Variants in PRKCE observed in about 807,000 individuals in gnomAD.
PRKCE encodes the protein protein kinase C epsilon type.
A neutral mutation model predicts 85.4 loss-of-function variants in PRKCE; 16 were observed. That is an observed-to-expected ratio of 0.19 (90% confidence interval 0.13 to 0.28). The LOEUF is 0.28. Ranked by LOEUF, PRKCE falls within the 10% of genes least tolerant of loss-of-function variation. The pLI, the probability that PRKCE is intolerant of heterozygous loss-of-function variation, is 1.00. For missense variants in PRKCE, 573 were observed against 975.2 expected (o/e 0.59, Z 5.49); for synonymous variants, 388 against 371.5 (o/e 1.04, Z -0.51).
At chr2:45,781,878 C>G (rs1686218496) in intron 1 of PRKCE, among the ~76,000 whole-genome samples, 1 of 152,174 alleles carries the variant, frequency 6.6e-6, no homozygotes, top group Admixed American at 6.5e-5. Flanking sequence ...AGAAGCCACC[C>G]TGGTCCAGGG....
chr2:45,984,529 C>T, intron 5 of PRKCE, 22 bp from the exon 6 acceptor site: 3 of 1,598,284 alleles, frequency 1.9e-6, no homozygotes, highest in South Asian at 1.1e-5. Context: ...GGTGGTGAAC[C>T]TGTATCTTGC....
intron 2 of PRKCE, among the ~76,000 whole-genome samples, chr2:45,848,919 A>T (rs1692015651): frequency 6.6e-6 from 1 of 152,210 alleles, no homozygotes; most frequent in South Asian, 2.1e-4. Context: ...AGGAAAGGAT[A>T]GGCAGGCTGG....
intron 2 of PRKCE, among the ~76,000 whole-genome samples, chr2:45,968,107 GC>G (rs1701853851): frequency 6.6e-6 from 1 of 152,150 alleles, no homozygotes; most frequent in Non-Finnish European, 1.5e-5. Context: ...CTTGTTCTTG[GC>G]TCCATATACT....
In PRKCE at chr2:45,651,950, A is replaced by G. The variant is rs1013176378; in HGVS notation, c.-151A>G. The G allele has an allele frequency of 2.1e-5, 13 of 606,872 alleles. No homozygotes were observed. Among genetic ancestry groups the G allele is most frequent in the Non-Finnish European group, 3.1e-5 (11 of 354,650 alleles). 37.6% of individuals were successfully genotyped at this position (606,872 alleles called of 1,614,324 possible). A position where few individuals can be genotyped will look rare whatever the true frequency, so the allele number is the denominator to read the frequency against. On this transcript the variant is annotated 5_prime_UTR_variant, in exon 1 of 15. Transcript: ENST00000306156. Reference sequence around the variant, plus strand: ...GCACTGGCTGAGAATCGCCCGCGCCAGGGCGCAACGCCACAAGGTGTAGGG... The same window carrying G: ...GCACTGGCTGAGAATCGCCCGCGCCGGGGCGCAACGCCACAAGGTGTAGGG...
intron 14 of PRKCE, among the ~76,000 whole-genome samples, chr2:46,182,329 G>C (rs527743328): frequency 3.9e-5 from 6 of 152,254 alleles, no homozygotes; most frequent in Non-Finnish European, 8.8e-5. Flanking sequence ...ACCCTCCCGC[G>C]TCAGTGTGCG....
At chr2:46,037,820 C>T (rs1221326974) in intron 10 of PRKCE, among the ~76,000 whole-genome samples, 1 of 152,120 alleles carries the variant, frequency 6.6e-6, no homozygotes, top group African/African-American at 2.4e-5. Context: ...CCAGCTCTAG[C>T]AAAGAGGGAA....
chr2:45,964,200 G>C (rs1165995136), intron 2 of PRKCE, among the ~76,000 whole-genome samples: 1 of 152,198 alleles, frequency 6.6e-6, no homozygotes, highest in African/African-American at 2.4e-5. Context: ...CCCTTTCCAT[G>C]TTCACCAACC....
intron 2 of PRKCE, among the ~76,000 whole-genome samples, chr2:45,896,912 C>T (rs1328509340): frequency 6.6e-6 from 1 of 151,936 alleles, no homozygotes; most frequent in African/African-American, 2.4e-5. Flanking sequence ...AGCGAGACCC[C>T]ATCTCAATAA....
At chr2:46,097,758 A>T (rs2104029373) in intron 11 of PRKCE, among the ~76,000 whole-genome samples, 1 of 152,370 alleles carries the variant, frequency 6.6e-6, no homozygotes, top group East Asian at 1.9e-4. Context: ...GCCAAATACC[A>T]GCATGAGTTT....
chr2:45,744,924 C>G (rs991194156), intron 1 of PRKCE, among the ~76,000 whole-genome samples: 6 of 152,172 alleles, frequency 3.9e-5, no homozygotes, highest in African/African-American at 1.4e-4. Context: ...CCTAGTTTTT[C>G]AATCCTGGCG....
At chr2:45,994,263 T>C (rs1704046651) in intron 6 of PRKCE, among the ~76,000 whole-genome samples, 1 of 152,116 alleles carries the variant, frequency 6.6e-6, no homozygotes. Context: ...GTATATTTGT[T>C]AACGGTCAGT....
intron 1 of PRKCE, among the ~76,000 whole-genome samples, chr2:45,712,922 A>T (rs1679788896): frequency 6.6e-6 from 1 of 152,214 alleles, no homozygotes; most frequent in Admixed American, 6.5e-5. Flanking sequence ...CTGAAAGTAT[A>T]CCTGGCATAT....
intron 12 of PRKCE, among the ~76,000 whole-genome samples, chr2:46,147,897 C>T (rs1415509873): frequency 1.3e-5 from 2 of 152,186 alleles, no homozygotes; most frequent in African/African-American, 4.8e-5. Context: ...GTTTTTGAGT[C>T]TCAGGTTTCT....
chr2:45,699,569 C>G (rs1414569868), intron 1 of PRKCE, among the ~76,000 whole-genome samples: 1 of 152,182 alleles, frequency 6.6e-6, no homozygotes, highest in East Asian at 1.9e-4. Flanking sequence ...AGCCCCCATG[C>G]TGTGTGGGTC....
At chr2:46,047,525 T>G (rs911505602) in intron 10 of PRKCE, among the ~76,000 whole-genome samples, 1 of 152,208 alleles carries the variant, frequency 6.6e-6, no homozygotes, top group Non-Finnish European at 1.5e-5. Context: ...AGGCCTTTAC[T>G]TGGCACATCC....
At chr2:45,734,468 T>C (rs868707953) in intron 1 of PRKCE, among the ~76,000 whole-genome samples, 1 of 152,218 alleles carries the variant, frequency 6.6e-6, no homozygotes. Flanking sequence ...TACTCATCCA[T>C]GTAAACGGGG....
intron 10 of PRKCE, among the ~76,000 whole-genome samples, chr2:46,081,047 A>G (rs1186539012): frequency 1.3e-5 from 2 of 152,152 alleles, no homozygotes; most frequent in Non-Finnish European, 2.9e-5. Flanking sequence ...GCTGGAGCAC[A>G]GTGGTGCGAT....
intron 1 of PRKCE, among the ~76,000 whole-genome samples, chr2:45,679,052 C>G (rs1361706021): frequency 1.3e-5 from 2 of 152,088 alleles, no homozygotes; most frequent in African/African-American, 4.8e-5. Flanking sequence ...ACATGGCTGA[C>G]TGGATATTGT....
At chr2:46,016,556 C>T (rs1176198615) in intron 10 of PRKCE, among the ~76,000 whole-genome samples, 2 of 152,108 alleles carry the variant, frequency 1.3e-5, no homozygotes, top group Non-Finnish European at 2.9e-5. Flanking sequence ...GCTGCAGCTT[C>T]GTGTAACCTC....
Sources: gnomAD v4.1 joint callset for allele counts (sites outside exome capture counted in the v4.1 genomes callset) on GRCh38, gnomAD v4.1.1 for gene constraint, MANE v1.5 for transcripts, NCBI Gene and HGNC (gene_info 2026-07-23, HGNC 2026-07-21) for gene names.